The following RANBP2 variants were observed in gnomAD, a reference collection of about 807,000 sequenced individuals.
The protein encoded by RANBP2 is RAN binding protein 2, also known as E3 SUMO-protein ligase RanBP2.
Under a neutral mutation model 303.6 loss-of-function variants are expected in RANBP2, and 57 were observed. The observed-to-expected ratio is 0.19, with a 90% CI of 0.15 to 0.23. RANBP2 has a LOEUF of 0.23. RANBP2 is among the 10% of genes least tolerant of loss of function. The pLI is 1.00. For missense variants in RANBP2, 3,138 were observed against 3,780.8 expected, an observed-to-expected ratio of 0.83 and a Z score of 4.46; for synonymous variants, 1,167 against 1,301.5, an observed-to-expected ratio of 0.90 and a Z score of 2.23.
the RANBP2 span, among the ~76,000 whole-genome samples, chr2:108,909,966 T>C: frequency 6.6e-6 from 1 of 152,208 alleles, no homozygotes; most frequent in Non-Finnish European, 1.5e-5. Flanking sequence ...TACAAGCACC[T>C]TGCTCCTGGG....
At chr2:109,467,636 A>G in the RANBP2 span, among the ~76,000 whole-genome samples, 1 of 152,240 alleles carries the variant, frequency 6.6e-6, no homozygotes, top group South Asian at 2.1e-4. Context: ...CTTTATTTTT[A>G]AAAAGAACAT....
At chr2:109,156,602 C>T in the RANBP2 span, among the ~76,000 whole-genome samples, 4 of 152,144 alleles carry the variant, frequency 2.6e-5, no homozygotes, top group Non-Finnish European at 1.5e-5. Context: ...TCCACCACTA[C>T]ACCTGGCTAA....
chr2:109,502,460 C>T, the RANBP2 span: 1 of 152,132 alleles, frequency 6.6e-6, no homozygotes, highest in East Asian at 1.9e-4. Context: ...GAAAAGATGT[C>T]TGAGGCGACA....
At chr2:109,364,111 C>G in the RANBP2 span, among the ~76,000 whole-genome samples, 1 of 151,516 alleles carries the variant, frequency 6.6e-6, no homozygotes, top group East Asian at 1.9e-4. Flanking sequence ...AATTGCCCCA[C>G]AATTCTTGCT....
At chr2:109,442,121 C>T in the RANBP2 span, among the ~76,000 whole-genome samples, 2 of 152,028 alleles carry the variant, frequency 1.3e-5, no homozygotes, top group African/African-American at 4.8e-5. Flanking sequence ...ACCATCCTGG[C>T]TAACACAGTG....
the RANBP2 span, among the ~76,000 whole-genome samples, chr2:109,685,365 C>T: frequency 3.3e-5 from 5 of 152,296 alleles, no homozygotes; most frequent in South Asian, 2.1e-4. Context: ...TCTAAGGGTA[C>T]GTATGTATAT....
the RANBP2 span, among the ~76,000 whole-genome samples, chr2:109,094,655 C>T: frequency 2.0e-5 from 3 of 152,132 alleles, no homozygotes; most frequent in South Asian, 6.2e-4. Context: ...CATGACGAAA[C>T]CCTGTCTCTA....
chr2:109,190,717 G>A, the RANBP2 span, among the ~76,000 whole-genome samples: 1 of 152,036 alleles, frequency 6.6e-6, no homozygotes, highest in African/African-American at 2.4e-5. Context: ...AATTTGCTAG[G>A]TGTTGGGTGT....
chr2:108,798,010 C>A, the RANBP2 span, among the ~76,000 whole-genome samples: 1 of 148,822 alleles, frequency 6.7e-6, no homozygotes, highest in Non-Finnish European at 1.5e-5. Context: ...TAGCATGGGA[C>A]CAGGGAAGGT....
chr2:109,569,175 T>A, the RANBP2 span, among the ~76,000 whole-genome samples: 1 of 152,116 alleles, frequency 6.6e-6, no homozygotes, highest in Non-Finnish European at 1.5e-5. Context: ...ACGCCTGTAA[T>A]CCCAGCACTT....
chr2:109,416,272 G>A, the RANBP2 span, among the ~76,000 whole-genome samples: 1 of 152,046 alleles, frequency 6.6e-6, no homozygotes, highest in African/African-American at 2.4e-5. Flanking sequence ...TGTGCACGCT[G>A]AACTTCCTAG....
At chr2:109,398,996 C>G in the RANBP2 span, 1 of 1,522,664 alleles carries the variant, frequency 6.6e-7, no homozygotes, top group Admixed American at 1.9e-5. Context: ...GGGTTCTATC[C>G]TCAGCTCCGT....
At chr2:109,328,759 G>A in the RANBP2 span, among the ~76,000 whole-genome samples, 1 of 152,156 alleles carries the variant, frequency 6.6e-6, no homozygotes, top group Non-Finnish European at 1.5e-5. Flanking sequence ...CCACATTTGT[G>A]TGTGTGAACC....
chr2:109,346,918 G>A, the RANBP2 span, among the ~76,000 whole-genome samples: 2 of 152,306 alleles, frequency 1.3e-5, no homozygotes, highest in African/African-American at 2.4e-5. Context: ...AAAGCTGTGT[G>A]TCATGGTGGG....
At chr2:109,503,017 G>C in the RANBP2 span, 1 of 152,214 alleles carries the variant, frequency 6.6e-6, no homozygotes, top group Non-Finnish European at 1.5e-5. Flanking sequence ...GGGAGGGCGA[G>C]AGAGGAGGAG....
chr2:109,318,430 T>G, the RANBP2 span, among the ~76,000 whole-genome samples: 1 of 152,158 alleles, frequency 6.6e-6, no homozygotes, highest in Non-Finnish European at 1.5e-5. Context: ...GGGAATTGTG[T>G]GAGGCCTCCT....
the RANBP2 span, among the ~76,000 whole-genome samples, chr2:109,570,411 C>T: frequency 2.6e-5 from 4 of 152,148 alleles, no homozygotes; most frequent in Non-Finnish European, 5.9e-5. Context: ...ATTCAACCAA[C>T]TGAGGATCAA....
At chr2:108,770,096 A>G (rs185998502) in intron 20 of RANBP2, among the ~76,000 whole-genome samples, 1 of 152,218 alleles carries the variant, frequency 6.6e-6, no homozygotes, top group Non-Finnish European at 1.5e-5. Context: ...TGTGAGCTCT[A>G]GGTTAGGAAT....
the RANBP2 span, among the ~76,000 whole-genome samples, chr2:109,382,271 C>G: frequency 6.6e-6 from 1 of 152,128 alleles, no homozygotes. Flanking sequence ...GTCTTAGTTG[C>G]TGAAGGGACA....
Sources: allele counts gnomAD v4.1 joint callset (sites outside exome capture counted in the v4.1 genomes callset), GRCh38; gene constraint gnomAD v4.1.1; transcripts MANE v1.5; gene names NCBI Gene and HGNC (gene_info 2026-07-23, HGNC 2026-07-21).